ANO6: variants seen among roughly 807,000 people sequenced by gnomAD.
ANO6 encodes anoctamin-6.
A neutral mutation model predicts 117.5 loss-of-function variants in ANO6; 106 were observed. The ratio of observed to expected loss-of-function variants is 0.90; its 90% CI spans 0.77 to 1.06. The LOEUF (loss-of-function observed/expected upper bound fraction) is 1.06, where lower values mean the gene tolerates loss of function less well. ANO6 is among the 50% of genes least tolerant of loss of function. ANO6 has a pLI of 0.00. For synonymous variants in ANO6, 367 were observed against 385.1 expected (o/e 0.95, Z 0.55); for missense variants, 955 against 1,121.1 (o/e 0.85, Z 2.12).
chr12:45,295,541 CT>C (rs950374788), intron 1 of ANO6, among the ~76,000 whole-genome samples: 2 of 151,976 alleles, frequency 1.3e-5, no homozygotes, highest in African/African-American at 4.8e-5. Flanking sequence ...CTTTTACTCT[CT>C]TTTTTATTTG....
rs1444554594 is a variant in ANO6 at position 45,409,361 on chromosome 12, A to G, written c.1885A>G (p.Ile629Val). The change falls in exon 16 of 20, where the codon ATC becomes GTC. Residue 629 changes from isoleucine (I) to valine (V), a missense_variant. By Grantham distance (29) the Ile-to-Val change is conservative. Coordinates refer to ENST00000320560, the MANE Select transcript of ANO6 (RefSeq NM_001025356.3). ...ATAAATTGTTCTTTTTGGCAGCTGG[A>G]TCATGAATCTAATTGGGCGATTTCA... ...NNIQEVLLPW[I>V]MNLIGRFHRV... 1.9e-6 allele frequency: 3 copies of G among 1,613,998 alleles called. No homozygotes were observed. Among genetic ancestry groups the G allele is most frequent in the Non-Finnish European group, 2.5e-6 (3 of 1,179,914 alleles).
downstream of ANO6, among the ~76,000 whole-genome samples, chr12:45,433,167 C>CTAGT (rs1181899944): frequency 2.6e-5 from 4 of 152,200 alleles, no homozygotes; most frequent in Non-Finnish European, 5.9e-5. Context: ...ATACCCGCTT[C>CTAGT]TAGTTAGCTA....
At chr12:45,408,988 C>T (rs759432410) in intron 15 of ANO6, among the ~76,000 whole-genome samples, 1 of 152,200 alleles carries the variant, frequency 6.6e-6, no homozygotes, top group Non-Finnish European at 1.5e-5. Flanking sequence ...AGCTCACATA[C>T]TCTACCTTGT....
At chr12:45,286,578 G>A (rs569140600) in intron 1 of ANO6, among the ~76,000 whole-genome samples, 9 of 152,290 alleles carry the variant, frequency 5.9e-5, no homozygotes, top group African/African-American at 2.2e-4. Context: ...CTTATCTTCA[G>A]TGTGACCTAA....
At chr12:45,347,313 T>C (rs1355197071) in intron 4 of ANO6, 2 of 478,268 alleles carry the variant, frequency 4.2e-6, no homozygotes, top group South Asian at 4.8e-5. Flanking sequence ...AATGAATGCA[T>C]GTATGAATGA....
At chr12:45,354,041 G>T (rs1449840518) in intron 7 of ANO6, among the ~76,000 whole-genome samples, 1 of 152,122 alleles carries the variant, frequency 6.6e-6, no homozygotes, top group African/African-American at 2.4e-5. Context: ...TGAGAAACCA[G>T]GGGAGAAAAA....
intron 1 of ANO6, among the ~76,000 whole-genome samples, chr12:45,266,925 C>T (rs1938237941): frequency 6.6e-6 from 1 of 151,874 alleles, no homozygotes; most frequent in African/African-American, 2.4e-5. Context: ...CAGCTTGAGC[C>T]ACTTAACAGG....
chr12:45,317,263 C>A, intron 2 of ANO6, among the ~76,000 whole-genome samples: 1 of 74,798 alleles, frequency 1.3e-5, no homozygotes, highest in Admixed American at 1.5e-4. Flanking sequence ...TAATGCTATC[C>A]CTCCCCCCTC....
chr12:45,270,579 G>T (rs955285642), intron 1 of ANO6: 23 of 573,432 alleles, frequency 4.0e-5, no homozygotes, highest in Non-Finnish European at 6.2e-5. Flanking sequence ...TTTCCCCTCC[G>T]ACTGTCAGTT....
Position 45,409,207 on chromosome 12 carries a change from G to A in ANO6, c.1881-150G>A, listed in dbSNP as rs1943022643. The A allele has an allele frequency of 4.3e-6, 4 of 940,572 alleles. No homozygotes were observed. In the South Asian group the frequency reaches 6.0e-5, roughly 14 times the overall value. The allele number at this position is 940,572 out of a possible 1,614,324, so 58.3% of individuals were successfully genotyped here. ...TATTTTTCAAAATATTTTGGAATAA[G>A]GAGGCAGAAATAAAAACAAATTTAG... On this transcript the variant is annotated intron_variant, in intron 15 of 19. Coordinates refer to ENST00000320560, the MANE Select transcript of ANO6 (RefSeq NM_001025356.3).
intron 1 of ANO6, among the ~76,000 whole-genome samples, chr12:45,276,399 T>C (rs999177333): frequency 9.9e-5 from 15 of 152,220 alleles, no homozygotes; most frequent in Admixed American, 5.2e-4. Flanking sequence ...CTCTCATGTC[T>C]TCACTGCCCT....
chr12:45,357,447 T>G, intron 8 of ANO6, 23 bp downstream of exon 8: 1 of 1,612,852 alleles, frequency 6.2e-7, no homozygotes, highest in Non-Finnish European at 8.5e-7. Context: ...TATTCCTTGT[T>G]GCCATGCTGA....
chr12:45,436,902 G>A (rs1345917233), downstream of ANO6, among the ~76,000 whole-genome samples: 1 of 152,132 alleles, frequency 6.6e-6, no homozygotes, highest in Non-Finnish European at 1.5e-5. Flanking sequence ...GGAGGCAGAG[G>A]TTACAGTGAG....
chr12:45,371,357 C>T (rs1941829780), intron 9 of ANO6, among the ~76,000 whole-genome samples: 1 of 152,246 alleles, frequency 6.6e-6, no homozygotes, highest in Admixed American at 6.5e-5. Flanking sequence ...GTGGACCCCA[C>T]CACAGCTCAA....
At chr12:45,276,350 T>C (rs574043903) in intron 1 of ANO6, among the ~76,000 whole-genome samples, 1 of 152,310 alleles carries the variant, frequency 6.6e-6, no homozygotes, top group Non-Finnish European at 1.5e-5. Flanking sequence ...TGCCATCCCA[T>C]TGTTTACCTG....
At chr12:45,302,289 G>T (rs1038754076) in intron 2 of ANO6, among the ~76,000 whole-genome samples, 196 bp downstream of exon 2, 1 of 152,136 alleles carries the variant, frequency 6.6e-6, no homozygotes, top group Non-Finnish European at 1.5e-5. Flanking sequence ...TAAGCATCAT[G>T]GTCTATAGGT....
At chr12:45,409,517 T>G (rs767843219) in intron 16 of ANO6, 30 bp downstream of exon 16, 37 of 1,607,296 alleles carry the variant, frequency 2.3e-5, no homozygotes, top group Non-Finnish European at 3.0e-5. Flanking sequence ...TTTAGTGATA[T>G]AAAACATGTT....
chr12:45,228,097 T>C, intron 1 of ANO6: 1 of 400,130 alleles, frequency 2.5e-6, no homozygotes, highest in South Asian at 1.8e-5. Context: ...CTGTGGCCTA[T>C]CCTATTCTCC....
At chr12:45,269,077 G>A (rs942808922) in intron 1 of ANO6, among the ~76,000 whole-genome samples, 1 of 152,222 alleles carries the variant, frequency 6.6e-6, no homozygotes, top group African/African-American at 2.4e-5. Context: ...GTGCAATGCA[G>A]AGGCTCTGGT....
Sources: gnomAD v4.1 joint callset for allele counts (sites outside exome capture counted in the v4.1 genomes callset) on GRCh38, gnomAD v4.1.1 for gene constraint, MANE v1.5 for transcripts, NCBI Gene and HGNC (gene_info 2026-07-23, HGNC 2026-07-21) for gene names.